NBEA: variants seen among roughly 807,000 people sequenced by gnomAD.
NBEA encodes the protein lysosomal-trafficking regulator 2.
NBEA carries 44 observed loss-of-function variants against 343.4 expected under a neutral mutation model. The observed-to-expected ratio is 0.13, with a 90% CI of 0.10 to 0.16. The LOEUF (loss-of-function observed/expected upper bound fraction) is 0.16. Among genes scored for constraint, NBEA ranks in the 10% least tolerant of loss-of-function variants. The pLI, the probability that NBEA is intolerant of heterozygous loss-of-function variation, is 1.00. For missense variants in NBEA, 2,555 were observed against 3,631.3 expected (o/e 0.70, Z 7.62); for synonymous variants, 1,175 against 1,238.7 (o/e 0.95, Z 1.08).
intron 1 of NBEA, among the ~76,000 whole-genome samples, chr13:34,982,620 A>G (rs897560705): frequency 2.0e-5 from 3 of 152,140 alleles, no homozygotes; most frequent in Non-Finnish European, 4.4e-5. Flanking sequence ...ATTTAAATCC[A>G]TTGTGGTACA....
At chr13:35,296,502 T>C (rs967234170) in intron 35 of NBEA, among the ~76,000 whole-genome samples, 1 of 152,032 alleles carries the variant, frequency 6.6e-6, no homozygotes, top group Non-Finnish European at 1.5e-5. Context: ...TGCAGGATCA[T>C]TTTTAAGAGT....
At chr13:35,319,537 T>G (rs2152839370) in intron 36 of NBEA, among the ~76,000 whole-genome samples, 1 of 152,320 alleles carries the variant, frequency 6.6e-6, no homozygotes, top group Non-Finnish European at 1.5e-5. Context: ...TTAGAATAAG[T>G]GCAGTGTGGT....
In NBEA at chr13:35,279,847, C is replaced by A. The variant is rs555630153; in HGVS notation, c.5777-10542C>A. Among the ~76,000 whole-genome samples, 21 of 152,174 alleles carry A rather than the reference C, an allele frequency of 1.4e-4. No individual in the cohort carries two copies. The South Asian group carries it at 4.2e-3, about 30-fold the overall frequency. On this transcript the variant is annotated intron_variant, in intron 34 of 58. Transcript: ENST00000379939. ...CTGGATCACAAGAGAAATAAGCCAC[C>A]AAGAACTAACTTGCTGAAAAGCCTG...
intron 55 of NBEA, 38 bp downstream of exon 55, chr13:35,655,787 G>T (rs1157309465): frequency 2.0e-5 from 31 of 1,546,698 alleles, no homozygotes; most frequent in Non-Finnish European, 2.7e-5. Context: ...TCAAACTATA[G>T]TTTATTTAAA....
At position 35,672,261 on chromosome 13, in the gene NBEA, G is replaced by A. The variant is rs988614953; in HGVS notation, c.*1270G>A. On this transcript the variant is annotated 3_prime_UTR_variant, in exon 59 of 59. Coordinates refer to ENST00000379939, the MANE Select transcript of NBEA (RefSeq NM_001385012.1). ...ACATATTGTGTCGGTAGGGCTATGA[G>A]GCATGTTACAGGAATGTAATTTTCT... 2.6e-5 allele frequency: 4 copies of A among 152,560 alleles called. No individual in the cohort carries two copies. The highest frequency in any genetic ancestry group is 1.9e-4 in the East Asian group (1 of 5,198). The allele number at this position is 152,560 out of a possible 1,614,324, so 9.5% of individuals were successfully genotyped here.
intron 34 of NBEA, among the ~76,000 whole-genome samples, chr13:35,272,955 G>A (rs191088384): frequency 6.6e-6 from 1 of 152,130 alleles, no homozygotes; most frequent in Non-Finnish European, 1.5e-5. Flanking sequence ...GAGACCAAAG[G>A]TTAACAAGGA....
At chr13:35,550,888 C>A (rs1186700852) in intron 42 of NBEA, 42 bp from the exon 43 acceptor site, 1 of 1,244,032 alleles carries the variant, frequency 8.0e-7, no homozygotes, top group Non-Finnish European at 1.2e-6. Flanking sequence ...GCTAACTTAT[C>A]CTGCGGTTTT....
chr13:35,628,982 G>T (rs2083342918), intron 49 of NBEA, among the ~76,000 whole-genome samples: 1 of 152,062 alleles, frequency 6.6e-6, no homozygotes, highest in Non-Finnish European at 1.5e-5. Flanking sequence ...TCAAAAACAT[G>T]CATGAATGAA....
chr13:35,455,704 G>C (rs1382632602), intron 40 of NBEA, among the ~76,000 whole-genome samples: 2 of 152,032 alleles, frequency 1.3e-5, no homozygotes, highest in Non-Finnish European at 2.9e-5. Flanking sequence ...TGTTCAGACA[G>C]CTTTGTGTGC....
chr13:35,118,540 C>A, intron 16 of NBEA, 66 bp downstream of exon 16: 1 of 1,160,112 alleles, frequency 8.6e-7, no homozygotes, highest in Non-Finnish European at 1.2e-6. Context: ...CCTAGAATAA[C>A]TGCTATTCTA....
intron 33 of NBEA, among the ~76,000 whole-genome samples, chr13:35,223,871 T>A (rs1324464625): frequency 6.6e-6 from 1 of 152,180 alleles, no homozygotes; most frequent in Non-Finnish European, 1.5e-5. Context: ...AAAATGCAGA[T>A]GTTGGCAGGG....
rs563712848 is a variant in NBEA, at chr13:35,231,439, G to T, written c.5649-1053G>T. Among the ~76,000 whole-genome samples, 6 of 152,094 alleles carry T rather than the reference G, an allele frequency of 3.9e-5. No individual in the cohort carries two copies. The South Asian group carries it at 1.2e-3, about 32-fold the overall frequency. ...TAACAAAATGTTACCTGGCATTGTGGCAGACCTTGTATTATTTTGTAACAT... is the reference window on the plus strand; with the variant it reads ...TAACAAAATGTTACCTGGCATTGTGTCAGACCTTGTATTATTTTGTAACAT... On this transcript the variant is annotated intron_variant, in intron 33 of 58. Transcript: ENST00000379939.
chr13:35,070,929 T>C (rs1718054763), intron 10 of NBEA, 77 bp downstream of exon 10: 2 of 1,450,696 alleles, frequency 1.4e-6, no homozygotes, highest in African/African-American at 2.8e-5. Context: ...CAGTGCTGTG[T>C]AAATGTATTA....
At chr13:35,139,319 C>T (rs904695170) in intron 17 of NBEA, among the ~76,000 whole-genome samples, 1 of 152,034 alleles carries the variant, frequency 6.6e-6, no homozygotes, top group Admixed American at 6.5e-5. Context: ...CCTCGGCCTC[C>T]CAAAGTGTTG....
intron 23 of NBEA, 29 bp from the exon 24 acceptor site, chr13:35,164,327 C>A (rs748160100): frequency 1.3e-6 from 2 of 1,545,032 alleles, no homozygotes; most frequent in South Asian, 2.4e-5. Context: ...TAAGCCAAAA[C>A]ATACTCATTT....
At chr13:35,645,455 C>G (rs1183505728) in intron 49 of NBEA, among the ~76,000 whole-genome samples, 2 of 152,080 alleles carry the variant, frequency 1.3e-5, no homozygotes, top group Non-Finnish European at 2.9e-5. Context: ...CTTTGACACA[C>G]ACAAGAAAGG....
intron 36 of NBEA, among the ~76,000 whole-genome samples, chr13:35,332,714 G>T (rs1167772752): frequency 1.3e-5 from 2 of 152,052 alleles, no homozygotes; most frequent in African/African-American, 4.8e-5. Flanking sequence ...TATGGCTGTT[G>T]TAATCCAAGT....
chr13:35,306,633 A>G (rs1374158026), intron 35 of NBEA, among the ~76,000 whole-genome samples: 10 of 152,022 alleles, frequency 6.6e-5, no homozygotes, highest in Non-Finnish European at 1.5e-5. Flanking sequence ...TGTGTCTTTA[A>G]TATAAGGTTG....
chr13:35,192,732 G>A (rs2072289930), intron 30 of NBEA, among the ~76,000 whole-genome samples: 1 of 151,868 alleles, frequency 6.6e-6, no homozygotes, highest in African/African-American at 2.4e-5. Context: ...GAGCAGAAAA[G>A]CAAAATATTA....
Sources: gnomAD v4.1 joint callset for allele counts (sites outside exome capture counted in the v4.1 genomes callset) on GRCh38, gnomAD v4.1.1 for gene constraint, MANE v1.5 for transcripts, NCBI Gene and HGNC (gene_info 2026-07-23, HGNC 2026-07-21) for gene names.